The following GABRR1 variants were observed in gnomAD, a reference collection of about 807,000 sequenced individuals.
The protein encoded by GABRR1 is gamma-aminobutyric acid type A receptor subunit rho1.
In GABRR1, 59 loss-of-function variants were observed where a neutral mutation model predicts 55.5. The ratio of observed to expected loss-of-function variants is 1.06; its 90% CI spans 0.86 to 1.32. The LOEUF (loss-of-function observed/expected upper bound fraction) is 1.32. GABRR1 is among the 40% of genes most tolerant of loss of function. The probability of loss-of-function intolerance (pLI) is 0.00; values close to 1 mark genes in which losing one functional copy is unlikely to be tolerated. For synonymous variants in GABRR1, 213 were observed against 226.0 expected (o/e 0.94, Z 0.51); for missense variants, 602 against 619.1 (o/e 0.97, Z 0.29).
rs1187707850 is a variant in GABRR1 at position 89,178,603 on chromosome 6, CAGTA to C, written c.*163_*166del. The C allele has an allele frequency of 1.6e-6, 1 of 621,946 alleles. No individual in the cohort carries two copies. Among genetic ancestry groups the C allele is most frequent in the African/African-American group, 1.8e-5 (1 of 54,170 alleles). 38.5% of individuals were successfully genotyped at this position (621,946 alleles called of 1,614,324 possible). ...GATGGTTAATAAGTGCAAATTAAAC[CAGTA>C]AGTGTCTCGTCAATGTAGCTTTGGA... On this transcript the variant is annotated 3_prime_UTR_variant, in exon 10 of 10. Transcript: ENST00000454853.
In GABRR1 at chr6:89,178,539, A is replaced by G; in HGVS notation, c.*231T>C. The G allele has an allele frequency of 1.8e-6, 1 of 543,994 alleles. No individual in the cohort carries two copies. The highest frequency in any genetic ancestry group is 2.1e-5 in the South Asian group (1 of 46,898). 33.7% of individuals were successfully genotyped at this position (543,994 alleles called of 1,614,324 possible). A position where few individuals can be genotyped will look rare whatever the true frequency, so the allele number is the denominator to read the frequency against. On this transcript the variant is annotated 3_prime_UTR_variant, in exon 10 of 10. Coordinates refer to ENST00000454853, the MANE Select transcript of GABRR1 (RefSeq NM_002042.5). ...CTAACATCAGTCGCTACAGTGTCGT[A>G]TTTCCTGCAGCACCTAATATAATGC...
intron 4 of GABRR1, 146 bp downstream of exon 4, chr6:89,199,216 T>G: frequency 1.4e-6 from 1 of 734,934 alleles, no homozygotes. Context: ...TGGGCAAATC[T>G]TCCTGAGCCA....
At chr6:89,202,182 T>C (rs908494754) in intron 2 of GABRR1, among the ~76,000 whole-genome samples, 1 of 152,250 alleles carries the variant, frequency 6.6e-6, no homozygotes, top group Admixed American at 6.5e-5. Context: ...TAACATACTT[T>C]TAGCAGTTGA....
At chr6:89,187,313 A>G (rs1383613489) in intron 6 of GABRR1, among the ~76,000 whole-genome samples, 1 of 152,044 alleles carries the variant, frequency 6.6e-6, no homozygotes, top group Non-Finnish European at 1.5e-5. Flanking sequence ...TACATTCTTA[A>G]GTGTTGTATT....
chr6:89,201,323 T>C, intron 2 of GABRR1, 58 bp from the exon 3 acceptor site: 1 of 1,163,532 alleles, frequency 8.6e-7, no homozygotes, highest in South Asian at 1.3e-5. Flanking sequence ...AAATAAACAG[T>C]AACTTGCATT....
intron 8 of GABRR1, among the ~76,000 whole-genome samples, chr6:89,181,215 C>T (rs1200263662): frequency 6.6e-6 from 1 of 152,156 alleles, no homozygotes; most frequent in African/African-American, 2.4e-5. Flanking sequence ...TGGCAAACAT[C>T]AAATCACAGG....
rs370239040 is a variant in GABRR1, at chr6:89,179,032, C to T, written c.1178G>A (p.Arg393His). ...LPCTSGLPPP[R>H]TAMLDGNYSD... ...GTAGTTGCCGTCCAGCATCGCAGTGCGGGGCGGAGGTAATCCGCTGGTGCA... is the reference window on the plus strand; with the variant it reads ...GTAGTTGCCGTCCAGCATCGCAGTGTGGGGCGGAGGTAATCCGCTGGTGCA... Residue 393 changes from arginine to histidine, a missense_variant, in exon 10 of 10, where the codon CGC (arginine) becomes CAC (histidine). Physicochemically the swap from Arg to His is conservative, Grantham distance 29. Coordinates refer to ENST00000454853, the MANE Select transcript of GABRR1 (RefSeq NM_002042.5). 64 of 1,614,046 alleles carry T rather than the reference C, an allele frequency of 4.0e-5. No homozygotes were observed. The highest frequency in any genetic ancestry group is 5.5e-5 in the South Asian group (5 of 91,074).
intron 1 of GABRR1, among the ~76,000 whole-genome samples, chr6:89,223,867 G>A (rs1452882738): frequency 2.0e-5 from 3 of 151,566 alleles, no homozygotes; most frequent in South Asian, 2.1e-4. Flanking sequence ...GGGTTCAAGC[G>A]ATTCTCCAGC....
At chr6:89,204,892 A>T (rs958669242) in intron 1 of GABRR1, among the ~76,000 whole-genome samples, 1 of 151,648 alleles carries the variant, frequency 6.6e-6, no homozygotes, top group African/African-American at 2.4e-5. Flanking sequence ...TTCTTGGAGA[A>T]TTATACTGTT....
chr6:89,193,267 A>G (rs1772158895), intron 5 of GABRR1, among the ~76,000 whole-genome samples: 1 of 152,222 alleles, frequency 6.6e-6, no homozygotes, highest in East Asian at 1.9e-4. Flanking sequence ...GAAGTAATCA[A>G]TGAATGAATG....
chr6:89,218,058 G>C (rs1773041724), upstream of GABRR1, among the ~76,000 whole-genome samples: 1 of 152,146 alleles, frequency 6.6e-6, no homozygotes. Context: ...TTTGTAGACA[G>C]TTTTTCTTTT....
chr6:89,193,637 G>A (rs1355052860), intron 5 of GABRR1, among the ~76,000 whole-genome samples: 2 of 152,132 alleles, frequency 1.3e-5, no homozygotes, highest in Non-Finnish European at 2.9e-5. Context: ...AAGCTTGTGA[G>A]CCAGTTGTTA....
upstream of GABRR1, among the ~76,000 whole-genome samples, chr6:89,222,219 T>C (rs990052578): frequency 6.6e-6 from 1 of 152,210 alleles, no homozygotes; most frequent in African/African-American, 2.4e-5. Flanking sequence ...GGTCTCTCAA[T>C]GAGTCATCTT....
chr6:89,201,125 G>T, intron 3 of GABRR1, 34 bp downstream of exon 3: 2 of 1,507,158 alleles, frequency 1.3e-6, no homozygotes, highest in South Asian at 1.1e-5. Context: ...AGGACCAGAA[G>T]AAAGAGGACA....
intron 1 of GABRR1, among the ~76,000 whole-genome samples, chr6:89,216,118 G>A (rs1349141211): frequency 6.6e-6 from 1 of 152,136 alleles, no homozygotes; most frequent in African/African-American, 2.4e-5. Context: ...CATGACCACT[G>A]GATATTTCAG....
rs1473218135 is a variant in GABRR1 at position 89,228,993 on chromosome 6, A to C, written c.-411+2223T>G. Among the ~76,000 whole-genome samples, 943 of 150,730 alleles carry C rather than the reference A, an allele frequency of 6.3e-3. 14 individuals carry two copies. The highest frequency in any genetic ancestry group is 0.022 in the African/African-American group (898 of 40,994). On this transcript the variant is annotated intron_variant, in intron 1 of 11. Coordinates refer to the GABRR1 transcript ENST00000369451. ...TAGGATAGTTAGCTCTTCTTGTTGA[A>C]TTGATCCCTTTACCATTATGTAATG...
At chr6:89,198,324 A>AAG in intron 4 of GABRR1, 81 bp from the exon 5 acceptor site, 1 of 1,049,444 alleles carries the variant, frequency 9.5e-7, no homozygotes, top group Non-Finnish European at 1.5e-6. Flanking sequence ...CTGTGGAGCC[A>AAG]TCACTTGGCT....
chr6:89,180,949 A>C (rs1771700663), intron 8 of GABRR1, among the ~76,000 whole-genome samples: 1 of 152,206 alleles, frequency 6.6e-6, no homozygotes, highest in African/African-American at 2.4e-5. Flanking sequence ...CTGCGTCGAC[A>C]GCTGTCAGGG....
chr6:89,202,833 C>T (rs1772521670), intron 2 of GABRR1, among the ~76,000 whole-genome samples: 1 of 152,082 alleles, frequency 6.6e-6, no homozygotes, highest in Non-Finnish European at 1.5e-5. Context: ...CCCATCTCAA[C>T]CTCCCAAGTA....
Sources: gnomAD v4.1 joint callset for allele counts (sites outside exome capture counted in the v4.1 genomes callset) on GRCh38, gnomAD v4.1.1 for gene constraint, MANE v1.5 for transcripts, NCBI Gene and HGNC (gene_info 2026-07-23, HGNC 2026-07-21) for gene names.